The following KLHL23 variants were observed in gnomAD, a reference collection of about 807,000 sequenced individuals.
The protein encoded by KLHL23 is kelch-like protein 23.
A neutral mutation model predicts 48.9 loss-of-function variants in KLHL23; 33 were observed. That is an observed-to-expected ratio of 0.67 (90% CI 0.51 to 0.90). The LOEUF (loss-of-function observed/expected upper bound fraction) is 0.90, where lower values mean the gene tolerates loss of function less well. KLHL23 is among the 40% of genes least tolerant of loss of function. The probability of loss-of-function intolerance (pLI) is 0.00; values close to 1 mark genes in which losing one functional copy is unlikely to be tolerated. For missense variants in KLHL23, 608 were observed against 669.6 expected (o/e 0.91, Z 1.02); for synonymous variants, 234 against 231.6 (o/e 1.01, Z -0.09).
At chr2:169,734,551 C>T (rs757694048) in intron 1 of KLHL23, among the ~76,000 whole-genome samples, 10 of 152,274 alleles carry the variant, frequency 6.6e-5, no homozygotes, top group Middle Eastern at 3.4e-3. Flanking sequence ...TTTCCGAGAC[C>T]TCTTCTTGTC....
intron 3 of KLHL23, among the ~76,000 whole-genome samples, chr2:169,743,718 C>T (rs1688728450): frequency 2.0e-5 from 3 of 152,208 alleles, no homozygotes; most frequent in Non-Finnish European, 2.9e-5. Context: ...TTGTGTGCTC[C>T]GTTTCACCAC....
intron 3 of KLHL23, among the ~76,000 whole-genome samples, chr2:169,746,155 A>G (rs1688790559): frequency 6.6e-6 from 1 of 152,200 alleles, no homozygotes; most frequent in African/African-American, 2.4e-5. Context: ...AGTTGTGTGA[A>G]GTGGGGAGAG....
chr2:169,748,349 A>T (rs767530039), intron 3 of KLHL23, among the ~76,000 whole-genome samples: 2 of 152,192 alleles, frequency 1.3e-5, no homozygotes, highest in Non-Finnish European at 2.9e-5. Flanking sequence ...CAGCTCAGCG[A>T]TAGTGCGCTA....
At chr2:169,744,812 C>T (rs1406593822) in intron 3 of KLHL23, among the ~76,000 whole-genome samples, 2 of 151,996 alleles carry the variant, frequency 1.3e-5, no homozygotes, top group Non-Finnish European at 2.9e-5. Flanking sequence ...CTTCCTCAGC[C>T]TCCCAAAGTG....
rs773493755 is a variant in KLHL23, at chr2:169,741,381, G to A, written c.1214-4G>A. ...CTAAAGATGTGATTTTAATTAATACGTAGGTGTGGGAAATGCTACTGCCTG... is the reference window on the plus strand; with the variant it reads ...CTAAAGATGTGATTTTAATTAATACATAGGTGTGGGAAATGCTACTGCCTG... On this transcript the variant is annotated splice_polypyrimidine_tract_variant and splice_region_variant and intron_variant, in intron 2 of 3. Transcript: ENST00000392647. 45 of 1,605,496 alleles carry A rather than the reference G, an allele frequency of 2.8e-5. No homozygotes were observed. The highest frequency in any genetic ancestry group is 3.4e-5 in the Non-Finnish European group (40 of 1,174,144).
chr2:169,738,711 T>C (rs61021827), intron 2 of KLHL23, among the ~76,000 whole-genome samples: 17,781 of 151,812 alleles, frequency 0.12, 1,077 homozygotes, highest in Middle Eastern at 0.22. Flanking sequence ...AAGATTGAAC[T>C]GTATCATGCA....
rs75452657 is a variant in KLHL23 at position 169,748,507 on chromosome 2, G to A, written c.1367-915G>A. On this transcript the variant is annotated intron_variant, in intron 3 of 3. Transcript: ENST00000392647. ...GAGTGACGATAAAAGCGGGTGTGTG[G>A]AAGAAAACAGGGCAGAGACCAGGAT... 7.1e-3 allele frequency among the ~76,000 whole-genome samples: 1,085 copies of A among 152,272 alleles called. 17 individuals carry two copies. Among genetic ancestry groups the A allele is most frequent in the African/African-American group, 0.025 (1,026 of 41,546 alleles).
chr2:169,748,101 G>T (rs1431830521), intron 3 of KLHL23, among the ~76,000 whole-genome samples: 1 of 152,204 alleles, frequency 6.6e-6, no homozygotes, highest in South Asian at 2.1e-4. Flanking sequence ...TCCAACCTGG[G>T]TGACAGAGCA....
At position 169,735,760 on chromosome 2, in the gene KLHL23, A is replaced by C. The variant is rs752979439; in HGVS notation, c.746A>C (p.Glu249Ala). 6.2e-6 allele frequency: 10 copies of C among 1,613,986 alleles called. No homozygotes were observed. The highest frequency in any genetic ancestry group is 7.6e-6 in the Non-Finnish European group (9 of 1,180,034). ...LGLQRSCLLT[E>A]NKIRSLIYNA... ...CTTCAAAGAAGCTGCCTGCTCACCGAAAATAAGATCCGCTCCCTAATATAC... is the reference window on the plus strand; with the variant it reads ...CTTCAAAGAAGCTGCCTGCTCACCGCAAATAAGATCCGCTCCCTAATATAC... Residue 249 changes from glutamate to alanine, a missense_variant, in exon 2 of 4, where the codon GAA (glutamate) becomes GCA (alanine). Glu to Ala is a moderately radical substitution (Grantham distance 107, BLOSUM62 -1). Coordinates refer to ENST00000392647, the MANE Select transcript of KLHL23 (RefSeq NM_144711.6). The surrounding 1 kb of genome is among the most constrained non-coding windows in gnomAD (Gnocchi z 4.5).
intron 3 of KLHL23, among the ~76,000 whole-genome samples, chr2:169,747,408 A>AAAAAAAC (rs1688820776): frequency 6.7e-6 from 1 of 148,718 alleles, no homozygotes. Flanking sequence ...AAAAAAAAAA[A>AAAAAAAC]CTGAGGGAGA....
In KLHL23 at chr2:169,735,894, C is replaced by G; in HGVS notation, c.880C>G (p.Pro294Ala). 1 of 1,614,020 alleles carries G rather than the reference C, an allele frequency of 6.2e-7. No individual in the cohort carries two copies. The highest frequency in any genetic ancestry group is 8.5e-7 in the Non-Finnish European group (1 of 1,180,034). Residue 294 changes from proline to alanine, a missense_variant, in exon 2 of 4, where the codon CCT becomes GCT. This residue lies in a region of KLHL23 where 419 missense variants were observed against 473.1 expected (regional missense o/e 0.89). Transcript: ENST00000392647. The surrounding 1 kb of genome is among the most constrained non-coding windows in gnomAD (Gnocchi z 4.5). ...TTTATCAGAGGTTCACATATGGGAT[C>G]CTTTGACAAATGTTTGGATTCAGGG... is the stretch of plus-strand genomic sequence containing the variant. ...HPLSEVHIWD[P>A]LTNVWIQGAE...
In KLHL23 at chr2:169,735,870, T is replaced by G. The variant is rs1688501522; in HGVS notation, c.856T>G (p.Leu286Val). Residue 286 changes from leucine to valine, a missense_variant, in exon 2 of 4, where the codon TTA becomes GTA. Around this residue, in one of 3 missense-constraint regions of KLHL23, gnomAD observed 419 missense variants for 473.1 expected, o/e 0.89. Transcript: ENST00000392647. This position sits in a 1 kb window ranked among gnomAD's most constrained non-coding sequence, Gnocchi z 4.5. ...AATTGGAGGCTATTACTGGCATCCT[T>G]TATCAGAGGTTCACATATGGGATCC... is the stretch of plus-strand genomic sequence containing the variant. ...YIIGGYYWHP[L>V]SEVHIWDPLT... is the part of the protein sequence containing the mutation. The G allele has an allele frequency of 6.2e-7, 1 of 1,614,100 alleles. No homozygotes were observed. Among genetic ancestry groups the G allele is most frequent in the Non-Finnish European group, 8.5e-7 (1 of 1,180,032 alleles).
chr2:169,745,854 T>C (rs536484921), intron 3 of KLHL23, among the ~76,000 whole-genome samples: 4 of 152,164 alleles, frequency 2.6e-5, no homozygotes, highest in African/African-American at 9.6e-5. Context: ...ATTTTATAGT[T>C]TAGAGCAAAG....
chr2:169,735,621 C>A lies in KLHL23; in HGVS notation c.607C>A (p.Pro203Thr). Reference sequence around the variant, plus strand: ...TTGGAAAGAAGAAGCTATCATAGAGCCAGTTATTAAGTGGACTGCTCATGA... The same window carrying A: ...TTGGAAAGAAGAAGCTATCATAGAGACAGTTATTAAGTGGACTGCTCATGA... ...SVWKEEAIIE[P>T]VIKWTAHDVE... The change falls in exon 2 of 4, where the codon CCA becomes ACA. Residue 203 changes from proline (P) to threonine (T), a missense_variant. This residue lies in a region of KLHL23 where 419 missense variants were observed against 473.1 expected (regional missense o/e 0.89). Transcript: ENST00000392647. This position sits in a 1 kb window ranked among gnomAD's most constrained non-coding sequence, Gnocchi z 4.5. 6.2e-7 allele frequency: 1 copy of A among 1,614,006 alleles called. No homozygotes were observed.
Position 169,736,217 on chromosome 2 carries a change from C to G in KLHL23, c.1203C>G (p.Asn401Lys). The G allele has an allele frequency of 6.2e-7, 1 of 1,606,462 alleles. No homozygotes were observed. Among genetic ancestry groups the G allele is most frequent in the Non-Finnish European group, 8.5e-7 (1 of 1,176,934 alleles). The change falls in exon 2 of 4, where the codon AAC becomes AAG. Residue 401 changes from asparagine (N) to lysine (K), a missense_variant. Physicochemically the swap from Asn to Lys is moderately conservative, Grantham distance 94 (BLOSUM62 0). Around this residue, in one of 3 missense-constraint regions of KLHL23, gnomAD observed 419 missense variants for 473.1 expected, o/e 0.89. Transcript: ENST00000392647. ...PLKEKWIPIA[N>K]MIKGVGNATA... ...AAGAGAAATGGATTCCTATTGCAAA[C>G]ATGATTAAAGGTAAGTGGAGATTAT...
Position 169,735,892 on chromosome 2 carries a change from A to T in KLHL23, c.878A>T (p.Asp293Val). ...WHPLSEVHIWDPLTNVWIQGA... is the reference protein window; with the variant it reads ...WHPLSEVHIWVPLTNVWIQGA... ...CCTTTATCAGAGGTTCACATATGGG[A>T]TCCTTTGACAAATGTTTGGATTCAG... Residue 293 changes from aspartate (D) to valine (V), a missense_variant, in exon 2 of 4, where the codon GAT (aspartate) becomes GTT (valine). Transcript: ENST00000392647. The surrounding 1 kb of genome is among the most constrained non-coding windows in gnomAD (Gnocchi z 4.5). 6.2e-7 allele frequency: 1 copy of T among 1,614,140 alleles called. No individual in the cohort carries two copies. The highest frequency in any genetic ancestry group is 8.5e-7 in the Non-Finnish European group (1 of 1,180,036).
rs761845751 is a variant in KLHL23 at position 169,735,726 on chromosome 2, G to A, written c.712G>A (p.Ala238Thr). Residue 238 changes from alanine (A) to threonine (T), a missense_variant, in exon 2 of 4, where the codon GCC becomes ACC. Around this residue, in one of 3 missense-constraint regions of KLHL23, gnomAD observed 419 missense variants for 473.1 expected, o/e 0.89. Coordinates refer to ENST00000392647, the MANE Select transcript of KLHL23 (RefSeq NM_144711.6). The surrounding 1 kb of genome is among the most constrained non-coding windows in gnomAD (Gnocchi z 4.5). ...TATAGATCCAGTGTACTTAAAAACA[G>A]CCTTAGGCCTTCAAAGAAGCTGCCT... ...IDIDPVYLKTALGLQRSCLLT... is the reference protein window; with the variant it reads ...IDIDPVYLKTTLGLQRSCLLT... 1.2e-6 allele frequency: 2 copies of A among 1,613,974 alleles called. No individual in the cohort carries two copies. Among genetic ancestry groups the A allele is most frequent in the Admixed American group, 3.3e-5 (2 of 60,022 alleles).
chr2:169,739,926 GGTAA>G (rs1232840063), intron 2 of KLHL23, among the ~76,000 whole-genome samples: 5 of 152,048 alleles, frequency 3.3e-5, no homozygotes, highest in African/African-American at 1.2e-4. Flanking sequence ...ATAACACAAT[GGTAA>G]GTCTTTGTGT....
At chr2:169,734,815 A>G (rs1574518458) in intron 1 of KLHL23, among the ~76,000 whole-genome samples, 198 bp from the exon 2 acceptor site, 1 of 152,198 alleles carries the variant, frequency 6.6e-6, no homozygotes, top group East Asian at 1.9e-4. Flanking sequence ...CCTCATTTCA[A>G]GCTCCGAGCT....
Sources: allele counts gnomAD v4.1 joint callset (sites outside exome capture counted in the v4.1 genomes callset), GRCh38; gene constraint gnomAD v4.1.1; regional missense constraint gnomAD v4.1.1; non-coding constraint Gnocchi (gnomAD v3.1); transcripts MANE v1.5; gene names NCBI Gene and HGNC (gene_info 2026-07-23, HGNC 2026-07-21).